Variants in PRRC2B observed in about 807,000 individuals in gnomAD.
PRRC2B encodes the protein proline rich coiled-coil 2B.
Under a neutral mutation model 242.3 loss-of-function variants are expected in PRRC2B, and 68 were observed. That is an observed-to-expected ratio of 0.28 (90% CI 0.23 to 0.34). PRRC2B has a LOEUF of 0.34. PRRC2B is among the 10% of genes least tolerant of loss of function. The probability of loss-of-function intolerance (pLI) is 1.00; values close to 1 mark genes in which losing one functional copy is unlikely to be tolerated. For synonymous variants in PRRC2B, 1,228 were observed against 1,173.6 expected, an observed-to-expected ratio of 1.05 and a Z score of -0.95; for missense variants, 2,835 against 2,954.8, an observed-to-expected ratio of 0.96 and a Z score of 0.94.
intron 14 of PRRC2B, among the ~76,000 whole-genome samples, chr9:131,473,229 T>C (rs114743781): frequency 0.018 from 2,678 of 152,298 alleles, 90 homozygotes; most frequent in African/African-American, 0.061. Context: ...CTTCATCCCC[T>C]GTCCTGAGTG....
rs374961882 is a variant in PRRC2B at position 131,446,459 on chromosome 9, C to T, written c.672C>T (p.Ser224=). Residue 224 remains serine (S), a synonymous_variant, in exon 7 of 32, where the codon AGC becomes AGT. Coordinates refer to ENST00000683519, the MANE Select transcript of PRRC2B (RefSeq NM_013318.4). The surrounding 1 kb of genome is among the most constrained non-coding windows in gnomAD (Gnocchi z 4.1). ...GRHIISATSL[S]TSPTELGSRN... ...ACATAATTTCTGCCACGTCTCTGAG[C>T]ACCTCCCCAACTGAGCTGGGCAGCA... is the stretch of plus-strand genomic sequence containing the variant. 18 of 1,613,834 alleles carry T rather than the reference C, an allele frequency of 1.1e-5. No individual in the cohort carries two copies. Among genetic ancestry groups the T allele is most frequent in the Non-Finnish European group, 1.4e-5 (17 of 1,179,866 alleles).
chr9:131,400,691 C>A (rs2131282947), intron 1 of PRRC2B, among the ~76,000 whole-genome samples: 1 of 152,280 alleles, frequency 6.6e-6, no homozygotes, highest in East Asian at 1.9e-4. Flanking sequence ...GGATTACAGG[C>A]ATGAGCCACG....
chr9:131,474,012 G>T (rs1193178245), intron 15 of PRRC2B, among the ~76,000 whole-genome samples: 1 of 152,172 alleles, frequency 6.6e-6, no homozygotes, highest in Non-Finnish European at 1.5e-5. Context: ...GGCAGGTGGG[G>T]TCCAGAGCAT....
chr9:131,479,188 C>T (rs1943789566), intron 18 of PRRC2B, 64 bp from the exon 19 acceptor site: 1 of 1,548,026 alleles, frequency 6.5e-7, no homozygotes, highest in East Asian at 2.3e-5. Flanking sequence ...GGATACTTAT[C>T]CTGGGGAGAA....
chr9:131,437,576 T>C (rs890553894), intron 4 of PRRC2B, among the ~76,000 whole-genome samples: 2 of 152,204 alleles, frequency 1.3e-5, no homozygotes, highest in African/African-American at 4.8e-5. Flanking sequence ...AATGAACATA[T>C]TTTGGTTTTG....
intron 10 of PRRC2B, among the ~76,000 whole-genome samples, chr9:131,458,477 GA>G (rs1288850498): frequency 6.7e-6 from 1 of 148,298 alleles, no homozygotes; most frequent in East Asian, 2.0e-4. Flanking sequence ...AAAAAGTTAC[GA>G]AAAAATACCT....
Position 131,476,441 on chromosome 9 carries a change from G to A in PRRC2B, c.4312G>A (p.Gly1438Arg), listed in dbSNP as rs772703895. The change falls in exon 16 of 32, where the codon GGA becomes AGA. Residue 1438 changes from glycine to arginine, a missense_variant. By Grantham distance (125) the Gly-to-Arg change is moderately radical (BLOSUM62 -2). Transcript: ENST00000683519. ...CAGACAGAGCCGAAAGCTGGAGCCG[G>A]GAGGGTTTGGGGAGAAGCCCGTTAG... ...VDRQSRKLEP[G>R]GFGEKPVRPG... is the part of the protein sequence containing the mutation. 1 of 1,613,066 alleles carries A rather than the reference G, an allele frequency of 6.2e-7. No homozygotes were observed. Among genetic ancestry groups the A allele is most frequent in the East Asian group, 2.2e-5 (1 of 44,858 alleles).
chr9:131,464,718 G>A lies in PRRC2B; in HGVS notation c.1405-45G>A, dbSNP rs138553531. On this transcript the variant is annotated intron_variant, in intron 11 of 31. Coordinates refer to ENST00000683519, the MANE Select transcript of PRRC2B (RefSeq NM_013318.4). ...AAAGTGGGAGTGGTTCCTGTATCCC[G>A]GGTCCCGGACCCACCGCCTTATCTC... 905 of 1,504,604 alleles carry A rather than the reference G, an allele frequency of 6.0e-4. 2 individuals are homozygous for A. The African/African-American group carries it at 0.01, about 17-fold the overall frequency. 93.2% of individuals were successfully genotyped at this position (1,504,604 alleles called of 1,614,324 possible). A position where few individuals can be genotyped will look rare whatever the true frequency, so the allele number is the denominator to read the frequency against.
intron 13 of PRRC2B, among the ~76,000 whole-genome samples, chr9:131,470,420 C>T (rs1234597088): frequency 6.6e-6 from 1 of 152,136 alleles, no homozygotes; most frequent in Non-Finnish European, 1.5e-5. Context: ...TATTTAACCT[C>T]AGATGGTAGC....
chr9:131,447,821 G>C lies in PRRC2B; in HGVS notation c.1120+17G>C. 6.2e-7 allele frequency: 1 copy of C among 1,605,884 alleles called. No individual in the cohort carries two copies. ...GCTGGGCAGGTGGGCAGAGAAGCAC[G>C]GGTGGTTTAGACGGGCAGGACCAAA... On this transcript the variant is annotated intron_variant, in intron 9 of 31. Transcript: ENST00000683519.
Position 131,486,073 on chromosome 9 carries a change from C to T in PRRC2B, c.5759-12C>T. The T allele has an allele frequency of 2.5e-6, 4 of 1,591,634 alleles. No individual in the cohort carries two copies. Among genetic ancestry groups the T allele is most frequent in the Non-Finnish European group, 3.4e-6 (4 of 1,162,296 alleles). ...ATCCTCTTCTACGTCCCTTTTGCCG[C>T]TCTGTTTCCAGGCAGCCACCTCCCG... On this transcript the variant is annotated splice_polypyrimidine_tract_variant and intron_variant, in intron 25 of 31. Transcript: ENST00000683519.
At chr9:131,421,543 G>T (rs1348759687) in intron 1 of PRRC2B, among the ~76,000 whole-genome samples, 1 of 152,230 alleles carries the variant, frequency 6.6e-6, no homozygotes, top group Non-Finnish European at 1.5e-5. Context: ...TTGTCTAGCA[G>T]TGGGATCTTT....
chr9:131,392,037 G>C (rs1443576955), upstream of PRRC2B, among the ~76,000 whole-genome samples: 1 of 151,874 alleles, frequency 6.6e-6, no homozygotes, highest in African/African-American at 2.4e-5. Context: ...CACCACGCTT[G>C]GCCTTACAAA....
At chr9:131,402,466 G>C (rs1837252283) in intron 1 of PRRC2B, among the ~76,000 whole-genome samples, 1 of 152,184 alleles carries the variant, frequency 6.6e-6, no homozygotes, top group African/African-American at 2.4e-5. Context: ...TTATTTGCAT[G>C]TATCTACCAC....
chr9:131,447,943 TG>T (rs745994164), intron 9 of PRRC2B, 139 bp downstream of exon 9: 41 of 793,432 alleles, frequency 5.2e-5, no homozygotes, highest in Non-Finnish European at 6.9e-5. Flanking sequence ...GAAGCAGACC[TG>T]ATGCCCTCCT....
chr9:131,418,837 T>C (rs1223728036), intron 1 of PRRC2B, among the ~76,000 whole-genome samples: 2 of 152,220 alleles, frequency 1.3e-5, no homozygotes, highest in African/African-American at 4.8e-5. Flanking sequence ...TGACCCTTAC[T>C]GCTGAATTCT....
intron 6 of PRRC2B, among the ~76,000 whole-genome samples, chr9:131,445,349 G>A (rs919286472): frequency 2.6e-5 from 4 of 152,042 alleles, no homozygotes; most frequent in Non-Finnish European, 5.9e-5. Flanking sequence ...TAGTAGAGGC[G>A]GGTTTCTCCA....
chr9:131,426,502 T>C (rs1837981373), intron 1 of PRRC2B, among the ~76,000 whole-genome samples: 1 of 152,138 alleles, frequency 6.6e-6, no homozygotes, highest in Non-Finnish European at 1.5e-5. Flanking sequence ...TTATTAATTA[T>C]GACTTTTGGG....
At chr9:131,403,326 G>A (rs530339530) in intron 1 of PRRC2B, among the ~76,000 whole-genome samples, 22 of 152,214 alleles carry the variant, frequency 1.4e-4, no homozygotes, top group Admixed American at 3.9e-4. Context: ...AATGTTAATT[G>A]CAGAAGTATA....
Sources: allele counts gnomAD v4.1 joint callset (sites outside exome capture counted in the v4.1 genomes callset), GRCh38; gene constraint gnomAD v4.1.1; non-coding constraint Gnocchi (gnomAD v3.1); transcripts MANE v1.5; gene names NCBI Gene and HGNC (gene_info 2026-07-23, HGNC 2026-07-21).